PRDM16: variants seen among roughly 807,000 people sequenced by gnomAD.
PRDM16 encodes histone-lysine N-methyltransferase PRDM16.
Under a neutral mutation model 110.6 loss-of-function variants are expected in PRDM16, and 23 were observed. That is an observed-to-expected ratio of 0.21 (90% CI 0.15 to 0.29). PRDM16 has a LOEUF of 0.29. Among genes scored for constraint, PRDM16 ranks in the 10% least tolerant of loss-of-function variants. PRDM16 has a pLI of 1.00. For synonymous variants in PRDM16, 799 were observed against 781.8 expected, an observed-to-expected ratio of 1.02 and a Z score of -0.37; for missense variants, 1,615 against 1,794.3, an observed-to-expected ratio of 0.90 and a Z score of 1.81.
intron 1 of PRDM16, among the ~76,000 whole-genome samples, chr1:3,110,841 T>TGG (rs1193284829): frequency 6.6e-6 from 1 of 152,032 alleles, no homozygotes; most frequent in Non-Finnish European, 1.5e-5. Flanking sequence ...GGCACATGCT[T>TGG]GGGGCCGGGA....
In PRDM16 at chr1:3,350,440, T is replaced by C. The variant is rs1486569194; in HGVS notation, c.439-34712T>C. Reference sequence around the variant, plus strand: ...CTCCTGGGCTCTACTGCTCCGTCTGTGCAGCCTGGGGCTGCAGTCAGGGTC... The same window carrying C: ...CTCCTGGGCTCTACTGCTCCGTCTGCGCAGCCTGGGGCTGCAGTCAGGGTC... On this transcript the variant is annotated intron_variant, in intron 3 of 16. Coordinates refer to ENST00000270722, the MANE Select transcript of PRDM16 (RefSeq NM_022114.4). This position sits in a 1 kb window ranked among gnomAD's most constrained non-coding sequence, Gnocchi z 7.1. 6.6e-6 allele frequency among the ~76,000 whole-genome samples: 1 copy of C among 152,208 alleles called. No homozygotes were observed. The highest frequency in any genetic ancestry group is 1.5e-5 in the Non-Finnish European group (1 of 68,022).
chr1:3,270,706 C>CGGAGGAGGACAGTCGGGGAGGACAGTCCT (rs1557571554), intron 3 of PRDM16, among the ~76,000 whole-genome samples: 1 of 143,394 alleles, frequency 7.0e-6, no homozygotes, highest in Non-Finnish European at 1.5e-5. Context: ...AGGACAGTCC[C>CGGAGGAGGACAGTCGGGGAGGACAGTCCT]GGAGGAGGAC....
chr1:3,173,348 G>A (rs755115268), intron 1 of PRDM16, among the ~76,000 whole-genome samples: 87 of 152,330 alleles, frequency 5.7e-4, no homozygotes, highest in Non-Finnish European at 9.8e-4. Flanking sequence ...GCGCCTGCCC[G>A]GGGCGATGGA....
chr1:3,401,415 C>T (rs1410253286), intron 5 of PRDM16, among the ~76,000 whole-genome samples: 1 of 152,194 alleles, frequency 6.6e-6, no homozygotes, highest in African/African-American at 2.4e-5. Flanking sequence ...AGTCCTCGTG[C>T]ACGTGCATAC....
In PRDM16 at chr1:3,350,283, A is replaced by G. The variant is rs750798442; in HGVS notation, c.439-34869A>G. Among the ~76,000 whole-genome samples the G allele has an allele frequency of 3.3e-5, 5 of 152,170 alleles. No individual in the cohort carries two copies. Among genetic ancestry groups the G allele is most frequent in the Non-Finnish European group, 5.9e-5 (4 of 68,026 alleles). ...CCGGGCTACAGAGAGCTGTGATCACACCACTATACTCCAGCCTGGGCGAGA... is the reference window on the plus strand; with the variant it reads ...CCGGGCTACAGAGAGCTGTGATCACGCCACTATACTCCAGCCTGGGCGAGA... On this transcript the variant is annotated intron_variant, in intron 3 of 16. Transcript: ENST00000270722. The surrounding 1 kb of genome is among the most constrained non-coding windows in gnomAD (Gnocchi z 7.1).
chr1:3,430,797 G>A, intron 14 of PRDM16, 75 bp from the exon 15 acceptor site: 1 of 1,557,080 alleles, frequency 6.4e-7, no homozygotes, highest in South Asian at 1.2e-5. Flanking sequence ...GCAGAGCGGA[G>A]TCACCAGCCT....
intron 1 of PRDM16, among the ~76,000 whole-genome samples, chr1:3,145,615 A>G (rs1260744540): frequency 8.5e-5 from 13 of 152,270 alleles, no homozygotes; most frequent in African/African-American, 2.9e-4. Context: ...GAACAGAGCC[A>G]TGAGCCTCCT....
chr1:3,295,826 G>A (rs1031870890), intron 3 of PRDM16, among the ~76,000 whole-genome samples: 1 of 152,162 alleles, frequency 6.6e-6, no homozygotes, highest in Non-Finnish European at 1.5e-5. Context: ...CCTGTGAAGT[G>A]GGGAAGTTCC....
At chr1:3,391,126 G>A (rs1643293564) in intron 4 of PRDM16, among the ~76,000 whole-genome samples, 2 of 152,152 alleles carry the variant, frequency 1.3e-5, no homozygotes, top group Admixed American at 1.3e-4. Flanking sequence ...GTGAGCCACC[G>A]CCCGAGCCAT....
chr1:3,185,976 G>A lies in PRDM16; in HGVS notation c.38-149G>A, dbSNP rs1053823826. ...CTGGGCTCAGGGCAGAGTGGAGGCA[G>A]CGTCTCCCGGGCAGGGGTGGCAGCC... On this transcript the variant is annotated intron_variant, in intron 1 of 16. Coordinates refer to ENST00000270722, the MANE Select transcript of PRDM16 (RefSeq NM_022114.4). The A allele has an allele frequency of 6.2e-6, 4 of 646,160 alleles. No individual in the cohort carries two copies. The African/African-American group carries it at 7.3e-5, about 12-fold the overall frequency. 40.0% of individuals were successfully genotyped at this position (646,160 alleles called of 1,614,324 possible).
chr1:3,071,119 C>T (rs1641748315), intron 1 of PRDM16, among the ~76,000 whole-genome samples: 1 of 152,266 alleles, frequency 6.6e-6, no homozygotes, highest in Non-Finnish European at 1.5e-5. Context: ...CAGGTCAGGC[C>T]CTCGCCCAGG....
intron 1 of PRDM16, among the ~76,000 whole-genome samples, chr1:3,145,094 C>T (rs897344284): frequency 1.3e-5 from 2 of 152,184 alleles, no homozygotes; most frequent in African/African-American, 4.8e-5. Flanking sequence ...CAAGTAGGCC[C>T]CACGCAGGGG....
In PRDM16 at chr1:3,304,031, G is replaced by A. The variant is rs58110050; in HGVS notation, c.438+59894G>A. On this transcript the variant is annotated intron_variant, in intron 3 of 16. Transcript: ENST00000270722. The stretch of plus-strand genomic sequence containing the variant: ...TTGGGGACAGTGACATGGGACCCCA[G>A]CCAAGCCCTGGTGTGCATGCTGGGG... 3.2e-3 allele frequency among the ~76,000 whole-genome samples: 478 copies of A among 147,822 alleles called. 4 individuals carry two copies. Among genetic ancestry groups the A allele is most frequent in the African/African-American group, 0.012 (453 of 38,632 alleles).
rs1463369059 is a variant in PRDM16, at chr1:3,425,827, G to A, written c.3109+77G>A. 3 of 1,557,810 alleles carry A rather than the reference G, an allele frequency of 1.9e-6. No individual in the cohort carries two copies. Among genetic ancestry groups the A allele is most frequent in the Admixed American group, 1.7e-5 (1 of 57,834 alleles). ...CACAGAGGGGGAGGGGGAACAGCAG[G>A]GGAGTGGGCGCCGGGCAGGGAAGAG... On this transcript the variant is annotated intron_variant, in intron 13 of 16. Coordinates refer to ENST00000270722, the MANE Select transcript of PRDM16 (RefSeq NM_022114.4). The surrounding 1 kb of genome is among the most constrained non-coding windows in gnomAD (Gnocchi z 6.9).
At chr1:3,363,408 G>T (rs1642751180) in intron 3 of PRDM16, among the ~76,000 whole-genome samples, 1 of 152,174 alleles carries the variant, frequency 6.6e-6, no homozygotes. Context: ...AGCAGGGAGG[G>T]AGTCTCTGGG....
chr1:3,200,354 A>AT (rs1012455575), intron 2 of PRDM16, among the ~76,000 whole-genome samples: 11 of 151,024 alleles, frequency 7.3e-5, no homozygotes, highest in Non-Finnish European at 1.0e-4. Flanking sequence ...TTTATTTTTT[A>AT]TTTTTTGAGA....
At chr1:3,193,742 G>T (rs977430018) in intron 2 of PRDM16, among the ~76,000 whole-genome samples, 1 of 152,210 alleles carries the variant, frequency 6.6e-6, no homozygotes, top group Non-Finnish European at 1.5e-5. Flanking sequence ...CCTCCCACAT[G>T]TCGGTCTGTA....
intron 1 of PRDM16, among the ~76,000 whole-genome samples, chr1:3,125,453 CTG>C (rs1225701691): frequency 2.0e-5 from 3 of 152,244 alleles, no homozygotes; most frequent in African/African-American, 7.2e-5. Context: ...CATGGGGAAA[CTG>C]AGGCCCCCCA....
chr1:3,391,317 C>T (rs1338207779), intron 4 of PRDM16, among the ~76,000 whole-genome samples: 2 of 152,100 alleles, frequency 1.3e-5, no homozygotes, highest in African/African-American at 4.8e-5. Context: ...TGCTTTGATT[C>T]CCATTTTACG....
Sources: allele counts gnomAD v4.1 joint callset (sites outside exome capture counted in the v4.1 genomes callset), GRCh38; gene constraint gnomAD v4.1.1; non-coding constraint Gnocchi (gnomAD v3.1); transcripts MANE v1.5; gene names NCBI Gene and HGNC (gene_info 2026-07-23, HGNC 2026-07-21).